The following SORCS1 variants were observed in gnomAD, a reference collection of about 807,000 sequenced individuals.
The protein encoded by SORCS1 is VPS10 domain-containing receptor SorCS1.
Under a neutral mutation model 146.1 loss-of-function variants are expected in SORCS1, and 60 were observed. The observed-to-expected ratio is 0.41, with a 90% CI of 0.33 to 0.51. The LOEUF (loss-of-function observed/expected upper bound fraction) is 0.51. Among genes scored for constraint, SORCS1 ranks in the 20% least tolerant of loss-of-function variants. The pLI, the probability that SORCS1 is intolerant of heterozygous loss-of-function variation, is 0.21. For synonymous variants in SORCS1, 637 were observed against 584.0 expected (o/e 1.09, Z -1.31); for missense variants, 1,352 against 1,487.6 (o/e 0.91, Z 1.50).
At chr10:107,148,557 C>A (rs980171877) in intron 1 of SORCS1, among the ~76,000 whole-genome samples, 1 of 152,118 alleles carries the variant, frequency 6.6e-6, no homozygotes, top group African/African-American at 2.4e-5. Context: ...ATTTGGCCAC[C>A]CCTGTGTAAA....
chr10:107,179,735 T>A, the SORCS1 span, among the ~76,000 whole-genome samples: 2 of 152,116 alleles, frequency 1.3e-5, no homozygotes, highest in African/African-American at 4.8e-5. Context: ...ACTCTTCATG[T>A]CTCTTGCCCA....
chr10:106,726,659 CT>C (rs1304209994), intron 6 of SORCS1, among the ~76,000 whole-genome samples: 1 of 152,142 alleles, frequency 6.6e-6, no homozygotes, highest in Middle Eastern at 3.2e-3. Flanking sequence ...CCATCCAGAG[CT>C]TCCTAAACTA....
At chr10:106,926,291 G>A (rs561209310) in intron 2 of SORCS1, among the ~76,000 whole-genome samples, 1 of 152,336 alleles carries the variant, frequency 6.6e-6, no homozygotes, top group South Asian at 2.1e-4. Context: ...TTAAGAATAT[G>A]TGCTTTTTAA....
intron 2 of SORCS1, among the ~76,000 whole-genome samples, chr10:106,946,387 T>C (rs1954345753): frequency 6.6e-6 from 1 of 152,212 alleles, no homozygotes; most frequent in Non-Finnish European, 1.5e-5. Flanking sequence ...TTCCCACATA[T>C]CAAGGGAAGG....
intron 1 of SORCS1, among the ~76,000 whole-genome samples, chr10:107,039,435 C>T (rs1005884324): frequency 6.6e-6 from 1 of 151,168 alleles, no homozygotes; most frequent in Non-Finnish European, 1.5e-5. Flanking sequence ...CCTGTAGAAA[C>T]TTCTAAAATG....
intron 17 of SORCS1, among the ~76,000 whole-genome samples, chr10:106,663,860 A>G (rs533305674): frequency 6.6e-6 from 1 of 152,004 alleles, no homozygotes; most frequent in Non-Finnish European, 1.5e-5. Context: ...ATTGACAACC[A>G]CTCCCGTGAC....
chr10:106,649,612 T>C (rs1849711788), intron 18 of SORCS1, among the ~76,000 whole-genome samples: 1 of 152,236 alleles, frequency 6.6e-6, no homozygotes, highest in African/African-American at 2.4e-5. Context: ...TTGAGTTTGC[T>C]GATTCTGTTA....
intron 1 of SORCS1, among the ~76,000 whole-genome samples, chr10:106,983,103 G>T (rs1223503950): frequency 7.4e-6 from 1 of 135,950 alleles, no homozygotes; most frequent in Non-Finnish European, 1.6e-5. Context: ...TTATCTCAGA[G>T]GAGGTTATAT....
intron 2 of SORCS1, among the ~76,000 whole-genome samples, chr10:106,849,617 C>G (rs867266566): frequency 6.6e-6 from 1 of 151,362 alleles, no homozygotes; most frequent in Non-Finnish European, 1.5e-5. Context: ...AGCTTTGTTC[C>G]GTTGCTGGTG....
chr10:106,655,987 T>C (rs1425054545), intron 17 of SORCS1, among the ~76,000 whole-genome samples: 1 of 152,180 alleles, frequency 6.6e-6, no homozygotes, highest in Non-Finnish European at 1.5e-5. Context: ...TGGGATGCAT[T>C]TAGTTGGTAA....
chr10:106,607,368 TG>T, intron 22 of SORCS1, 71 bp from the exon 23 acceptor site: 3 of 1,582,686 alleles, frequency 1.9e-6, no homozygotes, highest in South Asian at 1.2e-5. Flanking sequence ...AAGTATTTGG[TG>T]GGGGGATCAG....
intron 7 of SORCS1, 113 bp downstream of exon 7, chr10:106,709,110 C>T: frequency 2.7e-6 from 2 of 748,844 alleles, no homozygotes; most frequent in Admixed American, 2.3e-5. Context: ...ACCTCCTTCC[C>T]TCCCTCCCAT....
chr10:107,050,331 T>C (rs1372667213), intron 1 of SORCS1, among the ~76,000 whole-genome samples: 3 of 152,062 alleles, frequency 2.0e-5, no homozygotes, highest in Non-Finnish European at 1.5e-5. Context: ...AAAAATCACA[T>C]GTGAGAAATG....
chr10:106,860,699 G>A (rs576194654), intron 2 of SORCS1, among the ~76,000 whole-genome samples: 1 of 152,216 alleles, frequency 6.6e-6, no homozygotes, highest in Admixed American at 6.5e-5. Flanking sequence ...ATTTAAATAG[G>A]GTACTATTCG....
At chr10:106,636,486 C>T (rs1848730739) in intron 18 of SORCS1, among the ~76,000 whole-genome samples, 1 of 152,086 alleles carries the variant, frequency 6.6e-6, no homozygotes, top group African/African-American at 2.4e-5. Flanking sequence ...TTAATTGACT[C>T]ACAGCTCCAC....
At chr10:106,609,433 C>T (rs1219186487) in intron 22 of SORCS1, among the ~76,000 whole-genome samples, 1 of 152,166 alleles carries the variant, frequency 6.6e-6, no homozygotes, top group African/African-American at 2.4e-5. Context: ...AGCAAGAAAA[C>T]TGCAAATAAG....
chr10:106,993,967 G>A (rs889903119), intron 1 of SORCS1, among the ~76,000 whole-genome samples: 1 of 151,036 alleles, frequency 6.6e-6, no homozygotes, highest in Non-Finnish European at 1.5e-5. Context: ...TCAGTTACTC[G>A]GGAGGATCGC....
chr10:106,674,939 G>T, intron 14 of SORCS1, 110 bp downstream of exon 14: 1 of 789,564 alleles, frequency 1.3e-6, no homozygotes, highest in Non-Finnish European at 2.0e-6. Flanking sequence ...GCAGTAAGAT[G>T]CAACAACCTT....
chr10:106,857,579 G>A (rs952017872), intron 2 of SORCS1, among the ~76,000 whole-genome samples: 2 of 152,218 alleles, frequency 1.3e-5, no homozygotes, highest in Non-Finnish European at 2.9e-5. Context: ...AGCCAAGGGC[G>A]CATTGGGTGC....
Sources: gnomAD v4.1 joint callset for allele counts (sites outside exome capture counted in the v4.1 genomes callset) on GRCh38, gnomAD v4.1.1 for gene constraint, MANE v1.5 for transcripts, NCBI Gene and HGNC (gene_info 2026-07-23, HGNC 2026-07-21) for gene names.